HAGHL: variants seen among roughly 807,000 people sequenced by gnomAD.
HAGHL encodes hydroxyacylglutathione hydrolase like, also known as hydroxyacylglutathione hydrolase-like protein.
In HAGHL, 27 loss-of-function variants were observed where a neutral mutation model predicts 29.2. The ratio of observed to expected loss-of-function variants is 0.92; its 90% CI spans 0.68 to 1.27. The LOEUF is 1.27. Ranked by LOEUF, HAGHL falls within the 50% of genes most tolerant of loss-of-function variation. The pLI is 0.00. For synonymous variants in HAGHL, 223 were observed against 185.7 expected, an observed-to-expected ratio of 1.20 and a Z score of -1.63; for missense variants, 529 against 405.5, an observed-to-expected ratio of 1.30 and a Z score of -2.62.
intron 1 of HAGHL, 173 bp from the exon 2 acceptor site, chr16:727,792 T>C (rs1464195109): frequency 1.3e-6 from 1 of 767,056 alleles, no homozygotes. Context: ...GCCCTTTCGC[T>C]GCTGCCTGGC....
chr16:728,494 C>T lies in HAGHL; in HGVS notation c.398-10C>T, dbSNP rs540211217. 6.6e-6 allele frequency: 10 copies of T among 1,526,152 alleles called. No individual in the cohort carries two copies. Among genetic ancestry groups the T allele is most frequent in the Admixed American group, 5.9e-5 (3 of 50,562 alleles). 94.5% of individuals were successfully genotyped at this position (1,526,152 alleles called of 1,614,324 possible). Reference sequence around the variant, plus strand: ...CGCCCCATCTGCTCTGACCCGCCCTCCCCCGCCAGGCGACGCGCTGTCGGT... The same window carrying T: ...CGCCCCATCTGCTCTGACCCGCCCTTCCCCGCCAGGCGACGCGCTGTCGGT... On this transcript the variant is annotated splice_polypyrimidine_tract_variant and intron_variant, in intron 4 of 7. Coordinates refer to ENST00000389703, the MANE Select transcript of HAGHL (RefSeq NM_032304.4).
At chr16:727,832 G>T in intron 1 of HAGHL, 133 bp from the exon 2 acceptor site, 1 of 1,010,584 alleles carries the variant, frequency 9.9e-7, no homozygotes, top group South Asian at 1.5e-5. Flanking sequence ...CGCAGTCACC[G>T]CCCGCTGGGT....
chr16:728,239 C>T lies in HAGHL; in HGVS notation c.288+6C>T. ...CGCACGGCGAGGAGCTGCGGGTGAG[C>T]GCGCGCTCCCGGGAGGGGCGGGGAG... On this transcript the variant is annotated splice_donor_region_variant and intron_variant, in intron 3 of 7. Transcript: ENST00000389703. 6.7e-7 allele frequency: 1 copy of T among 1,483,612 alleles called. No individual in the cohort carries two copies. Among genetic ancestry groups the T allele is most frequent in the Non-Finnish European group, 8.9e-7 (1 of 1,125,522 alleles). 91.9% of individuals were successfully genotyped at this position (1,483,612 alleles called of 1,614,324 possible). A position where few individuals can be genotyped will look rare whatever the true frequency, so the allele number is the denominator to read the frequency against.
Position 727,275 on chromosome 16 carries a change from G to A in HAGHL, c.-235G>A, listed in dbSNP as rs2041031018. The A allele has an allele frequency of 4.4e-6, 2 of 457,736 alleles. No homozygotes were observed. The highest frequency in any genetic ancestry group is 7.8e-6 in the Non-Finnish European group (2 of 255,650). 28.4% of individuals were successfully genotyped at this position (457,736 alleles called of 1,614,324 possible). A position where few individuals can be genotyped will look rare whatever the true frequency, so the allele number is the denominator to read the frequency against. ...GGGGCTCGGACTGGGGGCGGAGCCG[G>A]GGCTGGTTGGGGACCGGCCGGGTTC... is the stretch of plus-strand genomic sequence containing the variant. On this transcript the variant is annotated 5_prime_UTR_variant, in exon 1 of 8. Coordinates refer to ENST00000389703, the MANE Select transcript of HAGHL (RefSeq NM_032304.4).
chr16:728,467 C>G, intron 4 of HAGHL, 37 bp from the exon 5 acceptor site: 1 of 1,506,022 alleles, frequency 6.6e-7, no homozygotes, highest in Admixed American at 2.0e-5. Context: ...TCCCGCCGGC[C>G]CCGCCCCATC....
chr16:728,729 C>A, intron 5 of HAGHL, 65 bp from the exon 6 acceptor site: 1 of 1,488,436 alleles, frequency 6.7e-7, no homozygotes, highest in Admixed American at 1.7e-5. Context: ...GAGGCCAGGC[C>A]CCCGGCGCAA....
chr16:728,549 G>T lies in HAGHL; in HGVS notation c.443G>T (p.Ser148Ile). Reference protein sequence around the residue: ...VAGCGSCLEGSAQQMYQSLAE... With the variant: ...VAGCGSCLEGIAQQMYQSLAE... ...GGCTGCGGCTCGTGCCTGGAGGGCAGCGCCCAGCAGATGTACCAGAGCCTG... is the reference window on the plus strand; with the variant it reads ...GGCTGCGGCTCGTGCCTGGAGGGCATCGCCCAGCAGATGTACCAGAGCCTG... The change falls in exon 5 of 8, where the codon AGC (serine) becomes ATC (isoleucine). Residue 148 changes from serine to isoleucine, a missense_variant. Coordinates refer to ENST00000389703, the MANE Select transcript of HAGHL (RefSeq NM_032304.4). The T allele has an allele frequency of 6.6e-7, 1 of 1,526,158 alleles. No individual in the cohort carries two copies. Among genetic ancestry groups the T allele is most frequent in the Non-Finnish European group, 8.7e-7 (1 of 1,142,892 alleles). 94.5% of individuals were successfully genotyped at this position (1,526,158 alleles called of 1,614,324 possible).
intron 3 of HAGHL, 30 bp from the exon 4 acceptor site, chr16:728,286 C>A: frequency 1.3e-6 from 2 of 1,520,338 alleles, no homozygotes; most frequent in Middle Eastern, 2.1e-4. Context: ...TCCACCCGCC[C>A]TCACAGGTCC....
intron 6 of HAGHL, 31 bp downstream of exon 6, chr16:728,926 G>T: frequency 5.6e-6 from 7 of 1,255,744 alleles, no homozygotes; most frequent in Non-Finnish European, 7.5e-6. Context: ...CGGCAAGAGG[G>T]TGGGGGGGGA....
In HAGHL at chr16:727,167, C is replaced by A; in HGVS notation, c.-343C>A. The A allele has an allele frequency of 1.4e-5, 3 of 215,314 alleles. No homozygotes were observed. Among genetic ancestry groups the A allele is most frequent in the Non-Finnish European group, 9.1e-6 (1 of 109,690 alleles). 13.3% of individuals were successfully genotyped at this position (215,314 alleles called of 1,614,324 possible). ...TGAGGCGGGCGGCGGGGGAACGCGG[C>A]TGTCCCGGGTCAGGGGTCTTGCGGC... is the stretch of plus-strand genomic sequence containing the variant. On this transcript the variant is annotated 5_prime_UTR_variant, in exon 1 of 8. It adds an upstream start codon to the 5' untranslated region. Coordinates refer to ENST00000389703, the MANE Select transcript of HAGHL (RefSeq NM_032304.4).
chr16:727,176 G>C lies in HAGHL; in HGVS notation c.-334G>C. 4.0e-6 allele frequency: 1 copy of C among 249,524 alleles called. No individual in the cohort carries two copies. Among genetic ancestry groups the C allele is most frequent in the Non-Finnish European group, 7.7e-6 (1 of 130,388 alleles). 15.5% of individuals were successfully genotyped at this position (249,524 alleles called of 1,614,324 possible). On this transcript the variant is annotated 5_prime_UTR_variant, in exon 1 of 8. Transcript: ENST00000389703. ...CGGCGGGGGAACGCGGCTGTCCCGG[G>C]TCAGGGGTCTTGCGGCGGCAGGGCG...
intron 5 of HAGHL, 70 bp from the exon 6 acceptor site, chr16:728,724 C>T (rs1035776381): frequency 1.4e-6 from 2 of 1,464,592 alleles, no homozygotes; most frequent in Non-Finnish European, 1.9e-6. Flanking sequence ...CAGGGGAGGC[C>T]AGGCCCCCGG....
At position 729,348 on chromosome 16, in the gene HAGHL, A is replaced by G. The variant is rs960939981; in HGVS notation, c.741A>G (p.Leu247=). Residue 247 remains leucine, a synonymous_variant, in exon 8 of 8, where the codon CTA becomes CTG. Coordinates refer to ENST00000389703, the MANE Select transcript of HAGHL (RefSeq NM_032304.4). ...KAVPADVLEA[L]CKERARFEQA... ...TCCCCGCCGACGTCCTGGAGGCGCT[A>G]TGCAAGGAGCGGGCGCGCTTCGAAC... 2.6e-6 allele frequency: 4 copies of G among 1,534,018 alleles called. No homozygotes were observed. The highest frequency in any genetic ancestry group is 1.4e-5 in the African/African-American group (1 of 72,134).
intron 7 of HAGHL, 80 bp from the exon 8 acceptor site, chr16:729,208 C>G: frequency 6.4e-7 from 1 of 1,552,558 alleles, no homozygotes; most frequent in Non-Finnish European, 8.7e-7. Context: ...TCATTAAGTG[C>G]CTGCCTGCCC....
At position 727,326 on chromosome 16, in the gene HAGHL, G is replaced by A. The variant is rs2041037261; in HGVS notation, c.-184G>A. Reference sequence around the variant, plus strand: ...CGCTCCTGCTGGAGCCCGGTGCGTGGAATTCCACGCGAGTGCCGGGGAGTT... The same window carrying A: ...CGCTCCTGCTGGAGCCCGGTGCGTGAAATTCCACGCGAGTGCCGGGGAGTT... On this transcript the variant is annotated 5_prime_UTR_variant, in exon 1 of 8. Transcript: ENST00000389703. 5 of 523,874 alleles carry A rather than the reference G, an allele frequency of 9.5e-6. No individual in the cohort carries two copies. The allele number at this position is 523,874 out of a possible 1,614,324, so 32.5% of individuals were successfully genotyped here. A position where few individuals can be genotyped will look rare whatever the true frequency, so the allele number is the denominator to read the frequency against.
In HAGHL at chr16:727,203, G is replaced by A. The variant is rs1039700620; in HGVS notation, c.-307G>A. The A allele has an allele frequency of 1.7e-5, 5 of 286,568 alleles. No homozygotes were observed. The East Asian group carries it at 3.9e-4, about 23-fold the overall frequency. The allele number at this position is 286,568 out of a possible 1,614,324, so 17.8% of individuals were successfully genotyped here. ...CAGGGGTCTTGCGGCGGCAGGGCGGGGGGCCGAGGGGCGGGGCCTGGGAGG... is the reference window on the plus strand; with the variant it reads ...CAGGGGTCTTGCGGCGGCAGGGCGGAGGGCCGAGGGGCGGGGCCTGGGAGG... On this transcript the variant is annotated 5_prime_UTR_variant, in exon 1 of 8. Transcript: ENST00000389703.
rs574933436 is a variant in HAGHL, at chr16:727,265, G to T, written c.-245G>T. 1.3e-4 allele frequency: 58 copies of T among 441,002 alleles called. 1 individual carries two copies. The Admixed American group carries it at 1.8e-3, about 14-fold the overall frequency. 27.3% of individuals were successfully genotyped at this position (441,002 alleles called of 1,614,324 possible). ...TTTGGGGACTGGGGCTCGGACTGGG[G>T]GCGGAGCCGGGGCTGGTTGGGGACC... On this transcript the variant is annotated 5_prime_UTR_variant, in exon 1 of 8. Coordinates refer to ENST00000389703, the MANE Select transcript of HAGHL (RefSeq NM_032304.4).
chr16:727,455 C>T lies in HAGHL; in HGVS notation c.-55C>T, dbSNP rs189715555. 7.1e-4 allele frequency: 779 copies of T among 1,097,754 alleles called. 5 individuals carry two copies. The African/African-American group carries it at 0.011, about 16-fold the overall frequency. The allele number at this position is 1,097,754 out of a possible 1,614,324, so 68.0% of individuals were successfully genotyped here. A position where few individuals can be genotyped will look rare whatever the true frequency, so the allele number is the denominator to read the frequency against. On this transcript the variant is annotated 5_prime_UTR_variant, in exon 1 of 8. Transcript: ENST00000389703. The stretch of plus-strand genomic sequence containing the variant: ...GAGCGGGCCCCGCCCTGAAGGGGCA[C>T]CGTGGGCTGGGGGGCCTGTTTTGGA...
At chr16:727,802 C>A in intron 1 of HAGHL, 163 bp from the exon 2 acceptor site, 2 of 789,660 alleles carry the variant, frequency 2.5e-6, no homozygotes, top group Non-Finnish European at 4.1e-6. Context: ...TGCTGCCTGG[C>A]GGTCCCTGCA....
Sources: allele counts gnomAD v4.1 joint callset, GRCh38; gene constraint gnomAD v4.1.1; transcripts MANE v1.5; gene names NCBI Gene and HGNC (gene_info 2026-07-23, HGNC 2026-07-21).